Variants in PPARGC1A observed in about 807,000 individuals in gnomAD.
PPARGC1A encodes the protein PPARG coactivator 1 alpha, also known as peroxisome proliferator-activated receptor gamma coactivator 1-alpha.
A neutral mutation model predicts 88.7 loss-of-function variants in PPARGC1A; 25 were observed. The observed-to-expected ratio is 0.28, with a 90% confidence interval of 0.21 to 0.39. PPARGC1A has a LOEUF of 0.39. PPARGC1A is among the 10% of genes least tolerant of loss of function. The pLI, the probability that PPARGC1A is intolerant of heterozygous loss-of-function variation, is 1.00. For missense variants in PPARGC1A, 880 were observed against 968.7 expected (o/e 0.91, Z 1.22); for synonymous variants, 363 against 355.6 (o/e 1.02, Z -0.24).
chr4:23,949,326 G>C, the PPARGC1A span, among the ~76,000 whole-genome samples: 1 of 152,070 alleles, frequency 6.6e-6, no homozygotes, highest in African/African-American at 2.4e-5. Context: ...TGCAACCATC[G>C]ATTCTCTCTG....
chr4:23,824,859 G>A (rs543871079), intron 5 of PPARGC1A, among the ~76,000 whole-genome samples: 1 of 152,170 alleles, frequency 6.6e-6, no homozygotes, highest in African/African-American at 2.4e-5. Context: ...GAAAACAGCA[G>A]AGCAACTATA....
At chr4:23,886,779 ATG>A (rs1302066428) in intron 1 of PPARGC1A, among the ~76,000 whole-genome samples, 1 of 151,786 alleles carries the variant, frequency 6.6e-6, no homozygotes, top group African/African-American at 2.4e-5. Flanking sequence ...CTTTTCCTCA[ATG>A]TCACCAATTC....
In PPARGC1A at chr4:23,836,260, C is replaced by A. The variant is rs369526010; in HGVS notation, c.235-4509G>T. ...TCAGCCTTGGAGCTGGCAGCAGAGG[C>A]GGAAGGAAAGGTAGAAAACAGGCCA... On this transcript the variant is annotated intron_variant, in intron 2 of 12. Coordinates refer to ENST00000264867, the MANE Select transcript of PPARGC1A (RefSeq NM_013261.5). 3.9e-5 allele frequency among the ~76,000 whole-genome samples: 6 copies of A among 152,172 alleles called. No homozygotes were observed. The South Asian group carries it at 1.2e-3, about 32-fold the overall frequency.
the PPARGC1A span, among the ~76,000 whole-genome samples, chr4:24,093,336 C>T: frequency 6.6e-6 from 1 of 152,306 alleles, no homozygotes; most frequent in East Asian, 1.9e-4. Flanking sequence ...TTGTTCTTAT[C>T]TGAAGATTAT....
chr4:24,347,921 G>A, the PPARGC1A span, among the ~76,000 whole-genome samples: 460 of 152,168 alleles, frequency 3.0e-3, 6 homozygotes, highest in African/African-American at 0.011. Context: ...GTTTTGATGT[G>A]TTTTGATGTG....
At chr4:24,178,766 G>A in the PPARGC1A span, among the ~76,000 whole-genome samples, 5 of 152,246 alleles carry the variant, frequency 3.3e-5, no homozygotes, top group East Asian at 3.9e-4. Context: ...CATTTCTGCC[G>A]ATAATGAAGC....
chr4:24,422,252 A>G, the PPARGC1A span, among the ~76,000 whole-genome samples: 1 of 152,260 alleles, frequency 6.6e-6, no homozygotes, highest in African/African-American at 2.4e-5. Flanking sequence ...GAAGCCTATA[A>G]TATTAACCTT....
At chr4:24,020,303 G>C in the PPARGC1A span, among the ~76,000 whole-genome samples, 4 of 152,158 alleles carry the variant, frequency 2.6e-5, no homozygotes, top group South Asian at 2.1e-4. Context: ...ATTTTTGGAA[G>C]AAAGGCTCAA....
the PPARGC1A span, among the ~76,000 whole-genome samples, chr4:24,263,912 G>A: frequency 4.9e-4 from 75 of 152,044 alleles, no homozygotes; most frequent in African/African-American, 1.8e-3. Context: ...ACCATGCCCA[G>A]CTAATTTTTT....
chr4:24,313,080 A>G, the PPARGC1A span, among the ~76,000 whole-genome samples: 1 of 152,304 alleles, frequency 6.6e-6, no homozygotes, highest in East Asian at 1.9e-4. Context: ...ATGGTGTTTG[A>G]AAACAAACAG....
chr4:24,205,017 G>T, the PPARGC1A span, among the ~76,000 whole-genome samples: 8 of 152,208 alleles, frequency 5.3e-5, no homozygotes, highest in East Asian at 1.4e-3. Context: ...TAGAGATGGG[G>T]TTTCATCATG....
the PPARGC1A span, among the ~76,000 whole-genome samples, chr4:24,311,289 G>A: frequency 1.4e-3 from 201 of 147,514 alleles, 2 homozygotes; most frequent in Middle Eastern, 7.0e-3. Context: ...TCTTAGTAGC[G>A]ACGGTGTTTC....
chr4:24,286,227 A>G, the PPARGC1A span, among the ~76,000 whole-genome samples: 2 of 152,130 alleles, frequency 1.3e-5, no homozygotes, highest in Non-Finnish European at 2.9e-5. Flanking sequence ...AAGTCATGAT[A>G]TGGCTATTGC....
chr4:23,910,924 G>A, the PPARGC1A span, among the ~76,000 whole-genome samples: 1 of 152,006 alleles, frequency 6.6e-6, no homozygotes, highest in South Asian at 2.1e-4. Flanking sequence ...CCTGGTTCCA[G>A]AATTCATGCC....
the PPARGC1A span, among the ~76,000 whole-genome samples, chr4:24,467,982 A>C: frequency 6.6e-6 from 1 of 152,358 alleles, no homozygotes; most frequent in African/African-American, 2.4e-5. Context: ...GTAACCAAAA[A>C]GCTGGTCAAT....
the PPARGC1A span, among the ~76,000 whole-genome samples, chr4:24,424,432 T>C: frequency 1.1e-4 from 17 of 151,802 alleles, no homozygotes; most frequent in South Asian, 4.2e-4. Context: ...CCCGCCACCA[T>C]GCCCGGCTAA....
the PPARGC1A span, among the ~76,000 whole-genome samples, chr4:24,331,969 G>A: frequency 5.0e-4 from 76 of 151,824 alleles, no homozygotes; most frequent in African/African-American, 1.7e-3. Context: ...GGTGTGTGAC[G>A]TTCCCCTCCC....
chr4:24,262,296 G>A, the PPARGC1A span, among the ~76,000 whole-genome samples: 1 of 152,168 alleles, frequency 6.6e-6, no homozygotes, highest in Admixed American at 6.5e-5. Flanking sequence ...CGGGTCCTGT[G>A]CTCATTCTGG....
chr4:24,320,853 C>T, the PPARGC1A span, among the ~76,000 whole-genome samples: 2 of 152,218 alleles, frequency 1.3e-5, no homozygotes, highest in South Asian at 2.1e-4. Flanking sequence ...TGAAAATAAT[C>T]GAAATTGTGC....
Sources: allele counts gnomAD v4.1 joint callset (sites outside exome capture counted in the v4.1 genomes callset), GRCh38; gene constraint gnomAD v4.1.1; transcripts MANE v1.5; gene names NCBI Gene and HGNC (gene_info 2026-07-23, HGNC 2026-07-21).